The following MORC1 variants were observed in gnomAD, a reference collection of about 807,000 sequenced individuals.
MORC1 encodes the protein MORC family CW-type zinc finger 1, also known as MORC family CW-type zinc finger protein 1.
In MORC1, 59 loss-of-function variants were observed where a neutral mutation model predicts 134.9. That is an observed-to-expected ratio of 0.44 (90% CI 0.35 to 0.54). MORC1 has a LOEUF of 0.54. Ranked by LOEUF, MORC1 falls within the 20% of genes least tolerant of loss-of-function variation. The probability of loss-of-function intolerance (pLI) is 0.00; values close to 1 mark genes in which losing one functional copy is unlikely to be tolerated. For missense variants in MORC1, 947 were observed against 1,134.5 expected, an observed-to-expected ratio of 0.83 and a Z score of 2.37; for synonymous variants, 395 against 391.7, an observed-to-expected ratio of 1.01 and a Z score of -0.10.
intron 6 of MORC1, among the ~76,000 whole-genome samples, chr3:109,099,047 A>C (rs1434973147): frequency 6.6e-6 from 1 of 152,218 alleles, no homozygotes; most frequent in Non-Finnish European, 1.5e-5. Context: ...TTAAAATGAT[A>C]ATCAATTTAT....
At chr3:109,083,929 T>C (rs1950568594) in intron 8 of MORC1, among the ~76,000 whole-genome samples, 1 of 152,194 alleles carries the variant, frequency 6.6e-6, no homozygotes, top group Non-Finnish European at 1.5e-5. Context: ...TTTCAATTGA[T>C]GATGAAAAAT....
chr3:109,045,752 C>A (rs1949681437), intron 14 of MORC1, among the ~76,000 whole-genome samples: 1 of 152,186 alleles, frequency 6.6e-6, no homozygotes. Flanking sequence ...TGAGTCCAGT[C>A]AGTGGCAAAA....
chr3:109,075,086 T>C (rs1576714440), intron 8 of MORC1, among the ~76,000 whole-genome samples: 2 of 152,188 alleles, frequency 1.3e-5, no homozygotes, highest in East Asian at 3.9e-4. Context: ...GTTTTCTAGT[T>C]CTATACATAC....
chr3:109,101,866 T>C (rs1044097343), intron 4 of MORC1, among the ~76,000 whole-genome samples: 88 of 152,302 alleles, frequency 5.8e-4, no homozygotes, highest in Admixed American at 1.1e-3. Context: ...CAGCTAGGAT[T>C]ATAACCCAAA....
intron 3 of MORC1, among the ~76,000 whole-genome samples, chr3:109,106,660 T>A (rs1951045067): frequency 6.6e-6 from 1 of 152,106 alleles, no homozygotes; most frequent in South Asian, 2.1e-4. Context: ...ATGTTCTCCA[T>A]CTCCTCACCC....
At chr3:109,076,373 T>C (rs1456417206) in intron 8 of MORC1, among the ~76,000 whole-genome samples, 1 of 152,200 alleles carries the variant, frequency 6.6e-6, no homozygotes, top group Admixed American at 6.5e-5. Flanking sequence ...TTTTACACTG[T>C]TGGTGAGACT....
intron 8 of MORC1, among the ~76,000 whole-genome samples, chr3:109,081,642 A>T (rs1180770878): frequency 6.6e-6 from 1 of 151,986 alleles, no homozygotes; most frequent in Admixed American, 6.6e-5. Flanking sequence ...TTTACTAGAG[A>T]CAGGGTTTCA....
At position 109,035,452 on chromosome 3, in the gene MORC1, T is replaced by A; in HGVS notation, c.1347A>T (p.Thr449=). The A allele has an allele frequency of 6.8e-7, 1 of 1,473,084 alleles. No homozygotes were observed. Among genetic ancestry groups the A allele is most frequent in the Non-Finnish European group, 9.2e-7 (1 of 1,092,798 alleles). The allele number at this position is 1,473,084 out of a possible 1,614,324, so 91.3% of individuals were successfully genotyped here. A position where few individuals can be genotyped will look rare whatever the true frequency, so the allele number is the denominator to read the frequency against. ...GGTATCCAAATTCATTGCAAAACAA[T>A]GTTAAATTTCTATTATCTTTTAAAA... The part of the protein sequence containing the change: ...KDTGINNRNL[T]LFCNEFGYQN... The change falls in exon 15 of 28, where the codon ACA becomes ACT. Residue 449 remains threonine, a synonymous_variant. Coordinates refer to ENST00000232603, the MANE Select transcript of MORC1 (RefSeq NM_014429.4).
At chr3:109,046,189 C>G (rs973863004) in intron 14 of MORC1, among the ~76,000 whole-genome samples, 1 of 152,146 alleles carries the variant, frequency 6.6e-6, no homozygotes, top group Non-Finnish European at 1.5e-5. Context: ...CCCTGGTATA[C>G]TCTGAGATTC....
At chr3:108,969,646 G>A (rs1251950940) in intron 26 of MORC1, 23 bp downstream of exon 26, 1 of 1,596,172 alleles carries the variant, frequency 6.3e-7, no homozygotes, top group East Asian at 2.2e-5. Flanking sequence ...GAATATAAAT[G>A]GTGATACTGA....
chr3:108,963,677 A>T, intron 26 of MORC1, 69 bp from the exon 27 acceptor site: 1 of 1,055,736 alleles, frequency 9.5e-7, no homozygotes. Flanking sequence ...ATCACTAGAC[A>T]ATTTCATATT....
At chr3:109,043,399 G>A (rs1227716882) in intron 14 of MORC1, among the ~76,000 whole-genome samples, 1 of 152,112 alleles carries the variant, frequency 6.6e-6, no homozygotes, top group African/African-American at 2.4e-5. Context: ...GGTTGTCAGA[G>A]GATGGAAAAG....
At chr3:109,049,496 G>A (rs1422556846) in intron 14 of MORC1, among the ~76,000 whole-genome samples, 3 of 152,056 alleles carry the variant, frequency 2.0e-5, no homozygotes, top group Non-Finnish European at 4.4e-5. Context: ...CAGACTTTAC[G>A]TAAATCTGGG....
chr3:109,048,088 T>C (rs932705278), intron 14 of MORC1, among the ~76,000 whole-genome samples: 7 of 152,202 alleles, frequency 4.6e-5, no homozygotes, highest in African/African-American at 1.7e-4. Context: ...CTCCTAGTAA[T>C]GCAGTGAGCA....
rs540053383 is a variant in MORC1, at chr3:109,077,205, T to C, written c.690-7448A>G. 3.3e-5 allele frequency among the ~76,000 whole-genome samples: 5 copies of C among 152,256 alleles called. No individual in the cohort carries two copies. In the South Asian group the frequency reaches 1.0e-3, roughly 32 times the overall value. ...GGAAAAATAAAGACACTTGTAGAGA[T>C]ACAAAGCTTCCAACAGACTCTGAAA... On this transcript the variant is annotated intron_variant, in intron 8 of 27. Transcript: ENST00000232603.
In MORC1 at chr3:109,032,715, A is replaced by G; in HGVS notation, c.1565+5T>C. On this transcript the variant is annotated splice_donor_5th_base_variant and intron_variant, in intron 16 of 27. Transcript: ENST00000232603. ...TAAAGAATTTTAGAAAATAATCAAA[A>G]ATACCTGTTTTCCAAGCGGTTGGGA... 6.5e-7 allele frequency: 1 copy of G among 1,542,308 alleles called. No individual in the cohort carries two copies. Among genetic ancestry groups the G allele is most frequent in the Non-Finnish European group, 8.8e-7 (1 of 1,133,108 alleles).
intron 14 of MORC1, among the ~76,000 whole-genome samples, chr3:109,047,551 T>C (rs993405357): frequency 1.4e-5 from 2 of 146,762 alleles, no homozygotes; most frequent in African/African-American, 5.5e-5. Flanking sequence ...AGAATGTGGT[T>C]TTTTTTTTCC....
intron 24 of MORC1, 25 bp from the exon 25 acceptor site, chr3:108,971,427 T>C (rs772242169): frequency 3.1e-6 from 5 of 1,592,896 alleles, no homozygotes; most frequent in Non-Finnish European, 3.4e-6. Context: ...ACAGCAGATA[T>C]GGGAATATAC....
chr3:109,053,746 C>T (rs1949884597), intron 14 of MORC1, among the ~76,000 whole-genome samples: 1 of 152,134 alleles, frequency 6.6e-6, no homozygotes. Context: ...CTGTAACAAC[C>T]TTGTACATGT....
Sources: gnomAD v4.1 joint callset for allele counts (sites outside exome capture counted in the v4.1 genomes callset) on GRCh38, gnomAD v4.1.1 for gene constraint, MANE v1.5 for transcripts, NCBI Gene and HGNC (gene_info 2026-07-23, HGNC 2026-07-21) for gene names.